The following RTN1 variants were observed in gnomAD, a reference collection of about 807,000 sequenced individuals.
The protein encoded by RTN1 is reticulon 1, also known as reticulon-1.
RTN1 carries 25 observed loss-of-function variants against 65.5 expected under a neutral mutation model. The ratio of observed to expected loss-of-function variants is 0.38; its 90% CI spans 0.28 to 0.53. The LOEUF (loss-of-function observed/expected upper bound fraction) is 0.53. Among genes scored for constraint, RTN1 ranks in the 20% least tolerant of loss-of-function variants. RTN1 has a pLI of 0.79. For synonymous variants in RTN1, 471 were observed against 447.6 expected, an observed-to-expected ratio of 1.05 and a Z score of -0.66; for missense variants, 983 against 1,025.4, an observed-to-expected ratio of 0.96 and a Z score of 0.57.
intron 3 of RTN1, among the ~76,000 whole-genome samples, chr14:59,680,931 T>A (rs1270907536): frequency 6.6e-6 from 1 of 152,146 alleles, no homozygotes; most frequent in East Asian, 1.9e-4. Flanking sequence ...AAGAAGTATA[T>A]GAATTTATAC....
chr14:59,682,733 T>C (rs1188069801), intron 3 of RTN1, among the ~76,000 whole-genome samples: 4 of 152,170 alleles, frequency 2.6e-5, no homozygotes, highest in African/African-American at 9.7e-5. Context: ...TGGTTAAGCA[T>C]TGCTAAAAAA....
At chr14:59,723,527 G>A (rs1347097222) in intron 3 of RTN1, among the ~76,000 whole-genome samples, 1 of 152,068 alleles carries the variant, frequency 6.6e-6, no homozygotes, top group Non-Finnish European at 1.5e-5. Flanking sequence ...TGAGACAGTA[G>A]AATGGCGTGA....
intron 1 of RTN1, among the ~76,000 whole-genome samples, chr14:59,840,835 A>G (rs1887298474): frequency 6.6e-6 from 1 of 152,208 alleles, no homozygotes; most frequent in Admixed American, 6.5e-5. Context: ...GTTTTTTATG[A>G]TAACTTACGT....
intron 3 of RTN1, among the ~76,000 whole-genome samples, chr14:59,616,243 G>A (rs1363770423): frequency 1.3e-5 from 2 of 152,102 alleles, no homozygotes; most frequent in African/African-American, 2.4e-5. Context: ...CTTAGTATAT[G>A]TTATCAGTAA....
At position 59,710,491 on chromosome 14, in the gene RTN1, C is replaced by T. The variant is rs112816390; in HGVS notation, c.1765+16428G>A. Among the ~76,000 whole-genome samples the T allele has an allele frequency of 5.2e-3, 798 of 152,316 alleles. 6 individuals carry two copies. The highest frequency in any genetic ancestry group is 0.016 in the African/African-American group (680 of 41,560). On this transcript the variant is annotated intron_variant, in intron 3 of 8. Coordinates refer to ENST00000267484, the MANE Select transcript of RTN1 (RefSeq NM_021136.3). ...CTAACCTGGCCACAGCTGAAAGGAC[C>T]AGAATTGGAGGCTTGAGCTAAATGT...
chr14:59,838,493 T>C (rs1211517928), intron 1 of RTN1, among the ~76,000 whole-genome samples: 1 of 152,172 alleles, frequency 6.6e-6, no homozygotes, highest in Non-Finnish European at 1.5e-5. Flanking sequence ...AACTTGATTA[T>C]TGTAGTACAT....
At chr14:59,823,084 T>C (rs1485602153) in intron 1 of RTN1, among the ~76,000 whole-genome samples, 1 of 152,164 alleles carries the variant, frequency 6.6e-6, no homozygotes, top group African/African-American at 2.4e-5. Context: ...GTGATCTGTC[T>C]AACACTGTTG....
At chr14:59,671,603 C>A (rs1161205248) in intron 3 of RTN1, among the ~76,000 whole-genome samples, 2 of 152,172 alleles carry the variant, frequency 1.3e-5, no homozygotes, top group African/African-American at 4.8e-5. Context: ...CCTCACAAAG[C>A]CCCTCAGTGG....
At chr14:59,646,959 C>T (rs1882910823) in intron 3 of RTN1, 1 of 154,064 alleles carries the variant, frequency 6.5e-6, no homozygotes, top group Non-Finnish European at 1.5e-5. Flanking sequence ...AGGGGTCTTG[C>T]TTCTTTAACC....
At chr14:59,725,981 T>C (rs1884750049) in intron 3 of RTN1, among the ~76,000 whole-genome samples, 2 of 152,134 alleles carry the variant, frequency 1.3e-5, no homozygotes, top group South Asian at 4.1e-4. Context: ...TTGAATACAG[T>C]TGTTAGGGTT....
At chr14:59,800,465 ATC>A (rs1018035051) in intron 1 of RTN1, among the ~76,000 whole-genome samples, 1 of 152,134 alleles carries the variant, frequency 6.6e-6, no homozygotes, top group East Asian at 1.9e-4. Flanking sequence ...CAGTGGCACG[ATC>A]TCGGCTCACT....
At chr14:59,752,606 T>G (rs1182702357) in intron 1 of RTN1, among the ~76,000 whole-genome samples, 1 of 152,202 alleles carries the variant, frequency 6.6e-6, no homozygotes. Context: ...ACTGCTCATG[T>G]AGCATGTATG....
chr14:59,596,820 C>A, intron 8 of RTN1, 33 bp from the exon 9 acceptor site: 1 of 1,562,436 alleles, frequency 6.4e-7, no homozygotes, highest in Non-Finnish European at 8.8e-7. Flanking sequence ...TAGTAAATCA[C>A]AAGTGTTATT....
At chr14:59,831,761 C>CATAT (rs142890244) in intron 1 of RTN1, among the ~76,000 whole-genome samples, 1 of 150,726 alleles carries the variant, frequency 6.6e-6, no homozygotes, top group East Asian at 1.9e-4. Context: ...ATATATAATC[C>CATAT]ATATATATAT....
At chr14:59,867,333 T>C (rs969150672) in intron 1 of RTN1, among the ~76,000 whole-genome samples, 2 of 152,238 alleles carry the variant, frequency 1.3e-5, no homozygotes, top group African/African-American at 4.8e-5. Flanking sequence ...GATGGCACTT[T>C]TATGATTAAC....
chr14:59,747,975 A>T (rs1385873985), intron 1 of RTN1, among the ~76,000 whole-genome samples: 1 of 152,188 alleles, frequency 6.6e-6, no homozygotes, highest in Non-Finnish European at 1.5e-5. Flanking sequence ...TGTGTCAGGC[A>T]TTGTTCTAAA....
At chr14:59,741,935 G>C (rs1043607133) in intron 2 of RTN1, among the ~76,000 whole-genome samples, 6 of 152,100 alleles carry the variant, frequency 3.9e-5, no homozygotes, top group Non-Finnish European at 8.8e-5. Flanking sequence ...ACTCTTTCTA[G>C]TGCTCACACT....
intron 1 of RTN1, among the ~76,000 whole-genome samples, chr14:59,859,205 T>C (rs968552656): frequency 2.6e-5 from 4 of 152,224 alleles, no homozygotes; most frequent in African/African-American, 9.7e-5. Context: ...CCCACCCAAA[T>C]CTCATCTTGA....
At chr14:59,866,823 T>C (rs148841174) in intron 1 of RTN1, among the ~76,000 whole-genome samples, 1 of 152,260 alleles carries the variant, frequency 6.6e-6, no homozygotes, top group African/African-American at 2.4e-5. Context: ...AAATAAAAAA[T>C]GTCTACACAT....
Sources: allele counts gnomAD v4.1 joint callset (sites outside exome capture counted in the v4.1 genomes callset), GRCh38; gene constraint gnomAD v4.1.1; transcripts MANE v1.5; gene names NCBI Gene and HGNC (gene_info 2026-07-23, HGNC 2026-07-21).